The following SGIP1 variants were observed in gnomAD, a reference collection of about 807,000 sequenced individuals.
SGIP1 encodes SH3GL interacting endocytic adaptor 1, also known as SH3-containing GRB2-like protein 3-interacting protein 1.
Under a neutral mutation model 107.5 loss-of-function variants are expected in SGIP1, and 38 were observed. The ratio of observed to expected loss-of-function variants is 0.35; its 90% CI spans 0.27 to 0.46. The LOEUF (loss-of-function observed/expected upper bound fraction) is 0.46, where lower values mean the gene tolerates loss of function less well. Ranked by LOEUF, SGIP1 falls within the 20% of genes least tolerant of loss-of-function variation. The pLI is 1.00. For missense variants in SGIP1, 929 were observed against 1,019.5 expected (o/e 0.91, Z 1.21); for synonymous variants, 365 against 366.1 (o/e 1.00, Z 0.03).
chr1:66,593,021 G>A (rs1206186443), intron 1 of SGIP1, among the ~76,000 whole-genome samples: 1 of 148,546 alleles, frequency 6.7e-6, no homozygotes, highest in African/African-American at 2.5e-5. Flanking sequence ...TAAGATTGCA[G>A]GCATGAGCCA....
chr1:66,600,739 C>T (rs1180396252), intron 1 of SGIP1, among the ~76,000 whole-genome samples: 1 of 152,064 alleles, frequency 6.6e-6, no homozygotes, highest in Non-Finnish European at 1.5e-5. Flanking sequence ...TAAGTGGTCC[C>T]CTAAGCCATG....
intron 1 of SGIP1, among the ~76,000 whole-genome samples, chr1:66,534,863 T>C (rs2053215659): frequency 6.6e-6 from 1 of 152,198 alleles, no homozygotes; most frequent in South Asian, 2.1e-4. Context: ...GTTTACATCA[T>C]ATTATTGGGA....
At chr1:66,670,441 G>C (rs763161466) in intron 9 of SGIP1, among the ~76,000 whole-genome samples, 7 of 152,210 alleles carry the variant, frequency 4.6e-5, no homozygotes, top group Non-Finnish European at 7.3e-5. Flanking sequence ...TGAGTGCATA[G>C]GTGGAATTCC....
intron 1 of SGIP1, among the ~76,000 whole-genome samples, chr1:66,613,989 C>G (rs1449682520): frequency 6.6e-6 from 1 of 152,098 alleles, no homozygotes; most frequent in Non-Finnish European, 1.5e-5. Context: ...TGACTCTAAG[C>G]ATTGAAAGAA....
At chr1:66,665,459 T>C (rs1449576384) in intron 8 of SGIP1, among the ~76,000 whole-genome samples, 3 of 152,262 alleles carry the variant, frequency 2.0e-5, no homozygotes, top group Admixed American at 6.5e-5. Flanking sequence ...TATAGCAGCA[T>C]GATTTATAAT....
At chr1:66,692,139 C>T (rs372882029) in intron 17 of SGIP1, among the ~76,000 whole-genome samples, 5 of 135,250 alleles carry the variant, frequency 3.7e-5, no homozygotes, top group Admixed American at 2.4e-4. Context: ...CCAGCCTAGG[C>T]GACAGAGTGA....
chr1:66,648,366 G>A (rs1428655472), intron 7 of SGIP1, among the ~76,000 whole-genome samples: 2 of 147,664 alleles, frequency 1.4e-5, no homozygotes, highest in African/African-American at 5.1e-5. Flanking sequence ...GTGTGTCATT[G>A]CCATTCAATT....
chr1:66,697,703 C>T lies in SGIP1; in HGVS notation c.1630+2210C>T, dbSNP rs113267216. Reference sequence around the variant, plus strand: ...TTTCATCATGTATGTACGCTAGACTCGGGTATTTTTAGCTAGTAAAACCTA... The same window carrying T: ...TTTCATCATGTATGTACGCTAGACTTGGGTATTTTTAGCTAGTAAAACCTA... On this transcript the variant is annotated intron_variant, in intron 18 of 24. Coordinates refer to ENST00000371037, the MANE Select transcript of SGIP1 (RefSeq NM_032291.4). Among the ~76,000 whole-genome samples the T allele has an allele frequency of 3.3e-3, 504 of 152,204 alleles. 2 individuals are homozygous for T. Among genetic ancestry groups the T allele is most frequent in the African/African-American group, 0.011 (448 of 41,516 alleles).
chr1:66,643,481 C>T (rs2077134373), intron 6 of SGIP1, 63 bp from the exon 7 acceptor site: 1 of 1,417,190 alleles, frequency 7.1e-7, no homozygotes, highest in Non-Finnish European at 9.7e-7. Context: ...TGCAATTGCT[C>T]TTGTCTTGGA....
chr1:66,559,817 G>A (rs1423870872), intron 1 of SGIP1, among the ~76,000 whole-genome samples: 3 of 152,082 alleles, frequency 2.0e-5, no homozygotes, highest in African/African-American at 4.8e-5. Context: ...AGCCGGGGGG[G>A]TGGATGACTG....
chr1:66,615,151 C>T (rs4428858), intron 1 of SGIP1, among the ~76,000 whole-genome samples: 22,368 of 147,602 alleles, frequency 0.15, 2,173 homozygotes, highest in East Asian at 0.47. Flanking sequence ...TGTTTTTTTC[C>T]GAAACGGAAT....
chr1:66,592,897 C>CTTTTTTTTTTTTT lies in SGIP1; in HGVS notation c.11-32932_11-32920dup, dbSNP rs35762612. On this transcript the variant is annotated intron_variant, in intron 1 of 24. Transcript: ENST00000371037. The stretch of plus-strand genomic sequence containing the variant: ...CTTTCCTTCTTTCTTTCTTCTTCTT[C>CTTTTTTTTTTTTT]TTTTTTTTTTTTTTTTTTTTTTTTT... 1.7e-3 allele frequency among the ~76,000 whole-genome samples: 95 copies of CTTTTTTTTTTTTT among 56,358 alleles called. 1 individual carries two copies. The highest frequency in any genetic ancestry group is 2.1e-3 in the Non-Finnish European group (72 of 33,592). 37.0% of individuals were successfully genotyped at this position (56,358 alleles called of 152,430 possible).
At position 66,750,242 on chromosome 1, in the gene SGIP1, C is replaced by G. The variant is rs1388056775; in HGVS notation, c.*7147C>G. 6.6e-6 allele frequency among the ~76,000 whole-genome samples: 1 copy of G among 151,954 alleles called. No homozygotes were observed. Among genetic ancestry groups the G allele is most frequent in the Non-Finnish European group, 1.5e-5 (1 of 67,980 alleles). Reference sequence around the variant, plus strand: ...TAAGCTGTTTGAACACTATTGTTTTCGATTAAAAAGAGTTTTTGTTTGTTT... The same window carrying G: ...TAAGCTGTTTGAACACTATTGTTTTGGATTAAAAAGAGTTTTTGTTTGTTT... On this transcript the variant is annotated 3_prime_UTR_variant, in exon 25 of 25. Coordinates refer to ENST00000371037, the MANE Select transcript of SGIP1 (RefSeq NM_032291.4).
At chr1:66,613,748 A>T (rs1388763997) in intron 1 of SGIP1, among the ~76,000 whole-genome samples, 1 of 152,216 alleles carries the variant, frequency 6.6e-6, no homozygotes, top group African/African-American at 2.4e-5. Flanking sequence ...CGCACCTTTG[A>T]TAAGTAGATG....
At chr1:66,689,094 C>T (rs1002055013) in intron 15 of SGIP1, 54 bp from the exon 16 acceptor site, 1 of 1,549,854 alleles carries the variant, frequency 6.5e-7, no homozygotes, top group Non-Finnish European at 8.7e-7. Context: ...ACTGTGATAA[C>T]AGCGCTTTGG....
At chr1:66,733,644 A>C (rs1572390097) in intron 20 of SGIP1, 104 bp from the exon 21 acceptor site, 1 of 1,245,944 alleles carries the variant, frequency 8.0e-7, no homozygotes, top group East Asian at 2.4e-5. Context: ...CAAATTGTCA[A>C]AAAATGGCTG....
chr1:66,637,171 C>T (rs558818236), intron 4 of SGIP1, among the ~76,000 whole-genome samples: 2 of 152,156 alleles, frequency 1.3e-5, no homozygotes, highest in African/African-American at 4.8e-5. Context: ...TGGTGTTTCC[C>T]CACTTCACTG....
intron 1 of SGIP1, among the ~76,000 whole-genome samples, chr1:66,561,330 A>G (rs1040944298): frequency 6.6e-6 from 1 of 152,020 alleles, no homozygotes; most frequent in Non-Finnish European, 1.5e-5. Context: ...TACTTTTGAT[A>G]TGGGCATACA....
chr1:66,555,848 C>T (rs547653116), intron 1 of SGIP1, among the ~76,000 whole-genome samples: 1 of 152,088 alleles, frequency 6.6e-6, no homozygotes, highest in South Asian at 2.1e-4. Flanking sequence ...AAACTTACAA[C>T]AGTATGAGGT....
Sources: allele counts gnomAD v4.1 joint callset (sites outside exome capture counted in the v4.1 genomes callset), GRCh38; gene constraint gnomAD v4.1.1; transcripts MANE v1.5; gene names NCBI Gene and HGNC (gene_info 2026-07-23, HGNC 2026-07-21).